Variants in ADAMTSL1 observed in about 807,000 individuals in gnomAD.
ADAMTSL1 encodes ADAMTS like 1.
Under a neutral mutation model 201.8 loss-of-function variants are expected in ADAMTSL1, and 126 were observed. That is an observed-to-expected ratio of 0.62 (90% CI 0.54 to 0.72). ADAMTSL1 has a LOEUF of 0.72. Among genes scored for constraint, ADAMTSL1 ranks in the 30% least tolerant of loss-of-function variants. The probability of loss-of-function intolerance (pLI) is 0.00; values close to 1 mark genes in which losing one functional copy is unlikely to be tolerated. For synonymous variants in ADAMTSL1, 1,121 were observed against 903.4 expected, an observed-to-expected ratio of 1.24 and a Z score of -4.32; for missense variants, 2,679 against 2,277.8, an observed-to-expected ratio of 1.18 and a Z score of -3.59.
At chr9:18,106,809 T>C (rs7866625) in intron 1 of ADAMTSL1, among the ~76,000 whole-genome samples, 25 of 152,184 alleles carry the variant, frequency 1.6e-4, no homozygotes, top group African/African-American at 6.0e-4. Flanking sequence ...TTAGATGAGG[T>C]TCTAGCCAGC....
chr9:18,657,767 A>G lies in ADAMTSL1; in HGVS notation c.946+17A>G. On this transcript the variant is annotated intron_variant, in intron 8 of 28. Transcript: ENST00000380548. ...GTGGAGGAGGTAATGGTGTTCACTT[A>G]GTCTAAAAACTGTTGGCTTCTGTGA... The G allele has an allele frequency of 1.3e-6, 2 of 1,597,962 alleles. No individual in the cohort carries two copies. Among genetic ancestry groups the G allele is most frequent in the Non-Finnish European group, 1.7e-6 (2 of 1,165,286 alleles).
intron 6 of ADAMTSL1, 45 bp downstream of exon 6, chr9:18,636,062 CA>C: frequency 7.0e-7 from 1 of 1,436,832 alleles, no homozygotes; most frequent in East Asian, 2.4e-5. Context: ...GAATTGTAGT[CA>C]TTATTATTTA....
chr9:18,767,639 A>G (rs554481164), intron 16 of ADAMTSL1, among the ~76,000 whole-genome samples: 71 of 152,226 alleles, frequency 4.7e-4, no homozygotes, highest in Non-Finnish European at 8.7e-4. Context: ...CCTAAGTACC[A>G]ACTTCAATTC....
chr9:18,891,900 T>A (rs1367568807), intron 25 of ADAMTSL1, among the ~76,000 whole-genome samples: 1 of 152,228 alleles, frequency 6.6e-6, no homozygotes, highest in East Asian at 1.9e-4. Context: ...ATTTATTCTC[T>A]TACAAGTTTG....
chr9:18,231,326 T>C (rs1830637790), intron 2 of ADAMTSL1, among the ~76,000 whole-genome samples: 1 of 152,160 alleles, frequency 6.6e-6, no homozygotes. Flanking sequence ...AAAACTATCT[T>C]TGTCGAGATC....
intron 1 of ADAMTSL1, among the ~76,000 whole-genome samples, chr9:18,035,045 A>C (rs991094066): frequency 1.3e-5 from 2 of 152,178 alleles, no homozygotes; most frequent in African/African-American, 4.8e-5. Flanking sequence ...GTTCACCTCA[A>C]CTATGGAGGA....
intron 2 of ADAMTSL1, chr9:18,360,787 G>A (rs1273248892): frequency 1.3e-5 from 2 of 152,128 alleles, no homozygotes; most frequent in Admixed American, 6.5e-5. Flanking sequence ...TTAATACATG[G>A]ATTTCATTGA....
intron 2 of ADAMTSL1, among the ~76,000 whole-genome samples, chr9:18,340,396 G>A (rs74477402): frequency 0.015 from 2,324 of 152,238 alleles, 59 homozygotes; most frequent in African/African-American, 0.053. Context: ...AAATCCAAAT[G>A]TATATCCAAC....
intron 23 of ADAMTSL1, among the ~76,000 whole-genome samples, chr9:18,840,904 T>C (rs1431767129): frequency 6.7e-6 from 1 of 148,562 alleles, no homozygotes; most frequent in Non-Finnish European, 1.5e-5. Flanking sequence ...GAGACTTTGC[T>C]GAAGTTGCTT....
intron 2 of ADAMTSL1, among the ~76,000 whole-genome samples, chr9:18,359,889 C>T (rs1836440466): frequency 7.5e-6 from 1 of 133,892 alleles, no homozygotes; most frequent in South Asian, 2.6e-4. Context: ...GGACTCAAGT[C>T]TTGTTAAGTA....
chr9:18,588,234 T>C (rs1409636065), intron 4 of ADAMTSL1, among the ~76,000 whole-genome samples: 7 of 152,220 alleles, frequency 4.6e-5, no homozygotes, highest in Non-Finnish European at 2.9e-5. Context: ...GTTGAGCATT[T>C]TTTTACATGC....
chr9:18,084,311 C>T (rs1035247956), intron 1 of ADAMTSL1, among the ~76,000 whole-genome samples: 3 of 151,934 alleles, frequency 2.0e-5, no homozygotes, highest in African/African-American at 7.3e-5. Context: ...CACCTGAGGT[C>T]AGGAGTTAGA....
intron 15 of ADAMTSL1, among the ~76,000 whole-genome samples, chr9:18,725,486 T>C (rs1414395740): frequency 1.3e-5 from 2 of 152,176 alleles, no homozygotes; most frequent in Non-Finnish European, 2.9e-5. Flanking sequence ...AATGAGTAAT[T>C]TGTGTGTCTA....
chr9:18,030,669 C>A (rs1014658258), intron 1 of ADAMTSL1, among the ~76,000 whole-genome samples: 3 of 151,974 alleles, frequency 2.0e-5, no homozygotes, highest in Non-Finnish European at 4.4e-5. Context: ...CTCTTAATTT[C>A]TTGAATTTGC....
intron 23 of ADAMTSL1, among the ~76,000 whole-genome samples, chr9:18,884,880 G>T (rs1031188093): frequency 1.3e-5 from 2 of 152,092 alleles, no homozygotes; most frequent in South Asian, 2.1e-4. Context: ...CTGGGTTTTT[G>T]ATATTCCATA....
At chr9:18,031,349 C>T (rs10963399) in intron 1 of ADAMTSL1, among the ~76,000 whole-genome samples, 41,600 of 151,952 alleles carry the variant, frequency 0.27, 7,160 homozygotes, top group Non-Finnish European at 0.38. Context: ...TCCTTTGAAG[C>T]CTTGACTGTG....
At chr9:18,337,664 A>T (rs998279700) in intron 2 of ADAMTSL1, among the ~76,000 whole-genome samples, 2 of 152,168 alleles carry the variant, frequency 1.3e-5, no homozygotes, top group African/African-American at 4.8e-5. Flanking sequence ...GTTAACTACT[A>T]CACTATGAGC....
intron 1 of ADAMTSL1, among the ~76,000 whole-genome samples, chr9:17,997,444 T>A (rs899921214): frequency 6.6e-6 from 1 of 152,100 alleles, no homozygotes; most frequent in African/African-American, 2.4e-5. Flanking sequence ...TGAGAACATT[T>A]GTCACTCCTA....
intron 2 of ADAMTSL1, among the ~76,000 whole-genome samples, chr9:18,346,198 G>C (rs1329222228): frequency 6.6e-6 from 1 of 152,062 alleles, no homozygotes; most frequent in Admixed American, 6.6e-5. Flanking sequence ...GAGACGATGA[G>C]GTAATCCTAG....
Sources: gnomAD v4.1 joint callset for allele counts (sites outside exome capture counted in the v4.1 genomes callset) on GRCh38, gnomAD v4.1.1 for gene constraint, MANE v1.5 for transcripts, NCBI Gene and HGNC (gene_info 2026-07-23, HGNC 2026-07-21) for gene names.